The following RLN2 variants were observed in gnomAD, a reference collection of about 807,000 sequenced individuals.
The protein encoded by RLN2 is prorelaxin H2.
In RLN2, 10 loss-of-function variants were observed where a neutral mutation model predicts 7.3. The ratio of observed to expected loss-of-function variants is 1.36; its 90% CI spans 0.84 to 2.31. The LOEUF is 2.31. Among genes scored for constraint, RLN2 ranks in the 30% most tolerant of loss-of-function variants. RLN2 has a pLI of 0.00. For missense variants in RLN2, 298 were observed against 217.6 expected (o/e 1.37, Z -2.32); for synonymous variants, 103 against 82.3 (o/e 1.25, Z -1.36).
chr9:5,309,515 C>G (rs1816309438), upstream of RLN2, among the ~76,000 whole-genome samples: 1 of 152,036 alleles, frequency 6.6e-6, no homozygotes, highest in South Asian at 2.1e-4. Context: ...ACATTCCATG[C>G]CCTGGACCAT....
the RLN2 span, among the ~76,000 whole-genome samples, chr9:5,328,678 A>G: frequency 1.3e-5 from 2 of 152,058 alleles, no homozygotes. Flanking sequence ...CAGGTTACCA[A>G]CAAAGGGAAG....
the RLN2 span, among the ~76,000 whole-genome samples, chr9:5,328,666 G>A: frequency 6.6e-6 from 1 of 151,972 alleles, no homozygotes; most frequent in Non-Finnish European, 1.5e-5. Context: ...AGAGAGAAAG[G>A]TCAGGTTACC....
the RLN2 span, among the ~76,000 whole-genome samples, chr9:5,327,375 T>C: frequency 6.6e-6 from 1 of 151,930 alleles, no homozygotes; most frequent in Non-Finnish European, 1.5e-5. Flanking sequence ...CTTGAGTAGC[T>C]CACAGTGTAA....
the RLN2 span, among the ~76,000 whole-genome samples, chr9:5,320,928 CAA>C: frequency 6.6e-6 from 1 of 151,950 alleles, no homozygotes; most frequent in Non-Finnish European, 1.5e-5. Flanking sequence ...ACAACTGCAA[CAA>C]AGACTGGAAC....
chr9:5,329,381 G>A, the RLN2 span, among the ~76,000 whole-genome samples: 2 of 147,750 alleles, frequency 1.4e-5, no homozygotes, highest in Non-Finnish European at 3.0e-5. Context: ...ACATCATAAT[G>A]ATGGGATCAA....
the RLN2 span, among the ~76,000 whole-genome samples, chr9:5,314,165 T>G: frequency 6.6e-6 from 1 of 152,080 alleles, no homozygotes; most frequent in African/African-American, 2.4e-5. Flanking sequence ...ACGTGGCTAC[T>G]GCATTTGAAA....
At chr9:5,300,775 A>G (rs1816105441) in intron 1 of RLN2, among the ~76,000 whole-genome samples, 2 of 152,198 alleles carry the variant, frequency 1.3e-5, no homozygotes, top group African/African-American at 2.4e-5. Flanking sequence ...CACTGAAAAC[A>G]GTTTGACCAC....
chr9:5,299,998 T>C lies in RLN2; in HGVS notation c.*100A>G, dbSNP rs1827122317. The C allele has an allele frequency of 2.9e-6, 2 of 689,360 alleles. No individual in the cohort carries two copies. Among genetic ancestry groups the C allele is most frequent in the Non-Finnish European group, 4.8e-6 (2 of 418,762 alleles). 42.7% of individuals were successfully genotyped at this position (689,360 alleles called of 1,614,324 possible). A position where few individuals can be genotyped will look rare whatever the true frequency, so the allele number is the denominator to read the frequency against. ...GGACCTAATATCTAACAAAGATTCT[T>C]AGATATTCTAAGAATTGATGGGACC... is the stretch of plus-strand genomic sequence containing the variant. On this transcript the variant is annotated 3_prime_UTR_variant, in exon 2 of 2. Transcript: ENST00000381627.
the RLN2 span, among the ~76,000 whole-genome samples, chr9:5,314,697 T>G: frequency 6.6e-6 from 1 of 151,990 alleles, no homozygotes; most frequent in Non-Finnish European, 1.5e-5. Flanking sequence ...AGGAATGGAA[T>G]CATTGCAGCA....
the RLN2 span, among the ~76,000 whole-genome samples, chr9:5,331,465 C>T: frequency 3.3e-5 from 5 of 151,966 alleles, no homozygotes; most frequent in African/African-American, 1.2e-4. Context: ...GGCACATATA[C>T]ACCATGGAAT....
chr9:5,313,896 A>G, the RLN2 span, among the ~76,000 whole-genome samples: 2 of 152,130 alleles, frequency 1.3e-5, no homozygotes, highest in South Asian at 4.2e-4. Flanking sequence ...GGCCACATAG[A>G]CAACAGAAGG....
intron 1 of RLN2, among the ~76,000 whole-genome samples, chr9:5,301,734 G>A (rs530780169): frequency 8.5e-5 from 13 of 152,128 alleles, no homozygotes; most frequent in Non-Finnish European, 1.5e-4. Flanking sequence ...AGACAGCGGT[G>A]GTTCTGGGGC....
In RLN2 at chr9:5,300,307, G is replaced by C; in HGVS notation, c.349C>G (p.Pro117Ala). 1 of 1,613,434 alleles carries C rather than the reference G, an allele frequency of 6.2e-7. No homozygotes were observed. The highest frequency in any genetic ancestry group is 8.5e-7 in the Non-Finnish European group (1 of 1,179,418). The change falls in exon 2 of 2, where the codon CCT becomes GCT. Residue 117 changes from proline to alanine, a missense_variant. Coordinates refer to ENST00000381627, the MANE Select transcript of RLN2 (RefSeq NM_134441.3). ...AGAAGACTGGAATCTTTTAATACAG[G>C]TACATGTTGTTGTAGCTGTGGTAAT... is the stretch of plus-strand genomic sequence containing the variant. ...PALPQLQQHV[P>A]VLKDSSLLFE...
chr9:5,330,621 G>C, the RLN2 span, among the ~76,000 whole-genome samples: 5 of 119,432 alleles, frequency 4.2e-5, no homozygotes, highest in African/African-American at 1.7e-4. Flanking sequence ...CTGGGCGACA[G>C]AGCAAGACTC....
the RLN2 span, among the ~76,000 whole-genome samples, chr9:5,320,237 C>T: frequency 6.6e-6 from 1 of 151,696 alleles, no homozygotes; most frequent in Non-Finnish European, 1.5e-5. Context: ...CCGCCCTCCT[C>T]GGCCTCCCAA....
At chr9:5,312,052 T>C in the RLN2 span, among the ~76,000 whole-genome samples, 24 of 152,064 alleles carry the variant, frequency 1.6e-4, no homozygotes, top group Non-Finnish European at 4.4e-5. Context: ...GAACACTTCA[T>C]TGTTTTTGGG....
At chr9:5,322,536 T>A in the RLN2 span, among the ~76,000 whole-genome samples, 3 of 152,082 alleles carry the variant, frequency 2.0e-5, no homozygotes, top group Non-Finnish European at 4.4e-5. Flanking sequence ...CTTTTTTTTG[T>A]AGCAAGTGCT....
chr9:5,317,898 A>C, the RLN2 span, among the ~76,000 whole-genome samples: 1 of 152,092 alleles, frequency 6.6e-6, no homozygotes, highest in East Asian at 1.9e-4. Context: ...CTGTTGACGA[A>C]GTGTGGGAGA....
the RLN2 span, among the ~76,000 whole-genome samples, chr9:5,314,380 G>A: frequency 5.9e-5 from 9 of 151,846 alleles, no homozygotes; most frequent in Admixed American, 1.3e-4. Context: ...GCCCTGCCCC[G>A]TGAAGGCTTG....
Sources: gnomAD v4.1 joint callset for allele counts (sites outside exome capture counted in the v4.1 genomes callset) on GRCh38, gnomAD v4.1.1 for gene constraint, MANE v1.5 for transcripts, NCBI Gene and HGNC (gene_info 2026-07-23, HGNC 2026-07-21) for gene names.